The following PHLDB2 variants were observed in gnomAD, a reference collection of about 807,000 sequenced individuals.
PHLDB2 encodes pleckstrin homology like domain family B member 2, also known as pleckstrin homology-like domain family B member 2.
In PHLDB2, 71 loss-of-function variants were observed where a neutral mutation model predicts 123.6. The observed-to-expected ratio is 0.57, with a 90% confidence interval of 0.47 to 0.70. The LOEUF is 0.70. PHLDB2 is among the 30% of genes least tolerant of loss of function. The probability of loss-of-function intolerance (pLI) is 0.00; values close to 1 mark genes in which losing one functional copy is unlikely to be tolerated. For missense variants in PHLDB2, 1,446 were observed against 1,519.5 expected (o/e 0.95, Z 0.80); for synonymous variants, 547 against 541.6 (o/e 1.01, Z -0.14).
At chr3:111,747,317 C>T (rs1232943854) in intron 1 of PHLDB2, among the ~76,000 whole-genome samples, 2 of 151,900 alleles carry the variant, frequency 1.3e-5, no homozygotes, top group East Asian at 3.9e-4. Context: ...GAAGACAGCA[C>T]AAGAATGACT....
In PHLDB2 at chr3:111,966,684, C is replaced by T. The variant is rs776120319; in HGVS notation, c.3149C>T (p.Thr1050Met). 6.2e-6 allele frequency: 10 copies of T among 1,612,788 alleles called. 1 individual carries two copies. The Middle Eastern group carries it at 4.9e-4, about 80-fold the overall frequency. Reference sequence around the variant, plus strand: ...TTGAAGCAGGCTCATGCAGAAAAGACGCGGCTGCTCGAATCCAGGGTAAGC... The same window carrying T: ...TTGAAGCAGGCTCATGCAGAAAAGATGCGGCTGCTCGAATCCAGGGTAAGC... ...RLLKQAHAEK[T>M]RLLESREREM... The change falls in exon 14 of 18, where the codon ACG becomes ATG. Residue 1050 changes from threonine to methionine, a missense_variant. Thr to Met is a moderately conservative substitution (Grantham distance 81). Around this residue, in one of 3 missense-constraint regions of PHLDB2, gnomAD observed 594 missense variants for 646.0 expected, o/e 0.92. Coordinates refer to ENST00000431670, the MANE Select transcript of PHLDB2 (RefSeq NM_001134438.2).
intron 2 of PHLDB2, among the ~76,000 whole-genome samples, chr3:111,847,626 A>T (rs1024446472): frequency 1.3e-5 from 2 of 151,770 alleles, no homozygotes; most frequent in Non-Finnish European, 2.9e-5. Context: ...TCTTTCCAAA[A>T]TGTGGATCTT....
chr3:111,871,387 C>A (rs561833250), intron 1 of PHLDB2, among the ~76,000 whole-genome samples: 41 of 152,276 alleles, frequency 2.7e-4, no homozygotes, highest in African/African-American at 9.4e-4. Context: ...TGGCTTATGC[C>A]TGTAATCCTA....
intron 1 of PHLDB2, among the ~76,000 whole-genome samples, chr3:111,747,871 C>T (rs2059705057): frequency 6.6e-6 from 1 of 152,234 alleles, no homozygotes; most frequent in East Asian, 1.9e-4. Context: ...AGAGTTTAAA[C>T]AAATATCACT....
rs1326671580 is a variant in PHLDB2, at chr3:111,899,761, A to G, written c.1336-13558A>G. Among the ~76,000 whole-genome samples the G allele has an allele frequency of 6.6e-5, 10 of 152,270 alleles. No individual in the cohort carries two copies. In the South Asian group the frequency reaches 8.3e-4, roughly 13 times the overall value. ...AAGTCCTAGATGGCATCTTCTTCCA[A>G]TATAAAGCTGTTTTGTCTACGTTGT... On this transcript the variant is annotated intron_variant, in intron 2 of 17. Transcript: ENST00000431670.
intron 1 of PHLDB2, among the ~76,000 whole-genome samples, chr3:111,773,151 T>C (rs1559823448): frequency 6.6e-6 from 1 of 152,214 alleles, no homozygotes; most frequent in South Asian, 2.1e-4. Flanking sequence ...AGTGCTCTGA[T>C]AGCATCGCTC....
At chr3:111,950,406 A>G (rs2070635628) in intron 10 of PHLDB2, among the ~76,000 whole-genome samples, 2 of 152,222 alleles carry the variant, frequency 1.3e-5, no homozygotes, top group African/African-American at 4.8e-5. Context: ...GATCCCATGA[A>G]GTAAAAATTA....
At position 111,851,178 on chromosome 3, in the gene PHLDB2, G is replaced by C. The variant is rs182538643; in HGVS notation, c.67+5243G>C. 9.5e-3 allele frequency among the ~76,000 whole-genome samples: 1,230 copies of C among 128,964 alleles called. 14 individuals are homozygous for C. Among genetic ancestry groups the C allele is most frequent in the African/African-American group, 0.034 (1,162 of 34,514 alleles). 84.6% of individuals were successfully genotyped at this position (128,964 alleles called of 152,430 possible). A position where few individuals can be genotyped will look rare whatever the true frequency, so the allele number is the denominator to read the frequency against. Reference sequence around the variant, plus strand: ...CCACTGCACTCCAGCCTGGGTGACAGAGCGAGATTCTGTCTTAAAAAAAAA... The same window carrying C: ...CCACTGCACTCCAGCCTGGGTGACACAGCGAGATTCTGTCTTAAAAAAAAA... On this transcript the variant is annotated intron_variant, in intron 2 of 17. Coordinates refer to the PHLDB2 transcript ENST00000393923.
chr3:111,975,655 A>C lies in PHLDB2; in HGVS notation c.*1092A>C, dbSNP rs576804412. On this transcript the variant is annotated 3_prime_UTR_variant, in exon 18 of 18. Coordinates refer to ENST00000431670, the MANE Select transcript of PHLDB2 (RefSeq NM_001134438.2). The stretch of plus-strand genomic sequence containing the variant: ...TGTATTATTTTATTTTATTTTTTAC[A>C]ATTAGCCTTTTTTTTAGTTAATTTT... The C allele has an allele frequency of 6.5e-6, 1 of 152,714 alleles. No individual in the cohort carries two copies. Among genetic ancestry groups the C allele is most frequent in the East Asian group, 1.9e-4 (1 of 5,184 alleles). 9.5% of individuals were successfully genotyped at this position (152,714 alleles called of 1,614,324 possible).
chr3:111,873,889 G>A (rs1481200020), intron 1 of PHLDB2, among the ~76,000 whole-genome samples: 1 of 152,110 alleles, frequency 6.6e-6, no homozygotes, highest in Non-Finnish European at 1.5e-5. Flanking sequence ...ATCTTACATG[G>A]TGGTGGAGAC....
intron 1 of PHLDB2, among the ~76,000 whole-genome samples, chr3:111,814,729 C>T (rs1225568442): frequency 6.6e-6 from 1 of 151,784 alleles, no homozygotes; most frequent in Non-Finnish European, 1.5e-5. Context: ...TTCAGGCTGT[C>T]CTCATGGCAG....
chr3:111,877,217 C>T (rs1167135256), intron 1 of PHLDB2, among the ~76,000 whole-genome samples: 1 of 152,240 alleles, frequency 6.6e-6, no homozygotes, highest in Non-Finnish European at 1.5e-5. Flanking sequence ...TTCTCCACAT[C>T]CTCTCCAACA....
At position 111,975,304 on chromosome 3, in the gene PHLDB2, G is replaced by A. The variant is rs568969123; in HGVS notation, c.*741G>A. ...AAGAAGAAAGAGCAAAAAGCTGTGT[G>A]TTTTAGAAAAAAAAGCCAGGTTACG... On this transcript the variant is annotated 3_prime_UTR_variant, in exon 18 of 18. Transcript: ENST00000431670. The A allele has an allele frequency of 6.6e-6, 1 of 152,142 alleles. No individual in the cohort carries two copies. Among genetic ancestry groups the A allele is most frequent in the African/African-American group, 2.4e-5 (1 of 41,510 alleles). The allele number at this position is 152,142 out of a possible 1,614,324, so 9.4% of individuals were successfully genotyped here.
intron 9 of PHLDB2, among the ~76,000 whole-genome samples, 188 bp from the exon 10 acceptor site, chr3:111,948,744 A>G (rs2070492149): frequency 6.6e-6 from 1 of 152,246 alleles, no homozygotes; most frequent in South Asian, 2.1e-4. Flanking sequence ...TTAGAATGCC[A>G]ATTTTCAAGA....
At chr3:111,767,895 T>C (rs1215607082) in intron 1 of PHLDB2, among the ~76,000 whole-genome samples, 2 of 152,206 alleles carry the variant, frequency 1.3e-5, no homozygotes, top group African/African-American at 4.8e-5. Flanking sequence ...TTAGGTTTGA[T>C]TTTCCAAGTT....
At chr3:111,931,645 A>G in intron 5 of PHLDB2, among the ~76,000 whole-genome samples, 1 of 152,042 alleles carries the variant, frequency 6.6e-6, no homozygotes. Flanking sequence ...TCTGTCTTGC[A>G]TTTTTACTAG....
rs577631294 is a variant in PHLDB2 at position 111,901,545 on chromosome 3, A to C, written c.1336-11774A>C. On this transcript the variant is annotated intron_variant, in intron 2 of 17. Coordinates refer to ENST00000431670, the MANE Select transcript of PHLDB2 (RefSeq NM_001134438.2). ...AATCTTATTTTTTAAAGGATAGGATATGTTTTCAAACATCAGGATTTAAAG... is the reference window on the plus strand; with the variant it reads ...AATCTTATTTTTTAAAGGATAGGATCTGTTTTCAAACATCAGGATTTAAAG... Among the ~76,000 whole-genome samples the C allele has an allele frequency of 2.8e-3, 424 of 151,642 alleles. 3 individuals are homozygous for C. The highest frequency in any genetic ancestry group is 0.01 in the African/African-American group (418 of 41,440).
chr3:111,897,765 T>G (rs2066956925), intron 2 of PHLDB2, among the ~76,000 whole-genome samples: 1 of 152,200 alleles, frequency 6.6e-6, no homozygotes, highest in Admixed American at 6.5e-5. Context: ...GACCAAGGCT[T>G]AAATCATCTT....
chr3:111,813,345 G>A (rs923136158), intron 1 of PHLDB2, among the ~76,000 whole-genome samples: 20 of 152,086 alleles, frequency 1.3e-4, no homozygotes, highest in African/African-American at 4.3e-4. Context: ...TGGAGGCTTA[G>A]ATATTTTTTT....
Sources: gnomAD v4.1 joint callset for allele counts (sites outside exome capture counted in the v4.1 genomes callset) on GRCh38, gnomAD v4.1.1 for gene constraint, gnomAD v4.1.1 regional missense constraint, MANE v1.5 for transcripts, NCBI Gene and HGNC (gene_info 2026-07-23, HGNC 2026-07-21) for gene names.